Variants in BRF1 observed in about 807,000 individuals in gnomAD.
BRF1 encodes BRF1 general transcription factor IIIB subunit.
A neutral mutation model predicts 81.7 loss-of-function variants in BRF1; 59 were observed. The ratio of observed to expected loss-of-function variants is 0.72; its 90% confidence interval spans 0.59 to 0.90. The LOEUF (loss-of-function observed/expected upper bound fraction) is 0.90, where lower values mean the gene tolerates loss of function less well. BRF1 is among the 40% of genes least tolerant of loss of function. The pLI is 0.00. For synonymous variants in BRF1, 491 were observed against 395.6 expected, an observed-to-expected ratio of 1.24 and a Z score of -2.86; for missense variants, 1,050 against 936.3, an observed-to-expected ratio of 1.12 and a Z score of -1.58.
At chr14:105,246,929 G>A (rs1409399989) in intron 5 of BRF1, 3 of 985,258 alleles carry the variant, frequency 3.0e-6, no homozygotes, top group Non-Finnish European at 3.6e-6. Context: ...GGTCTTGTGT[G>A]CTGCTGTAAG....
Position 105,226,152 on chromosome 14 carries a change from G to A in BRF1, c.965C>T (p.Ser322Phe), listed in dbSNP as rs376099538. The change falls in exon 10 of 18, where the codon TCC becomes TTC. Residue 322 changes from serine to phenylalanine, a missense_variant. Ser to Phe is a radical substitution (Grantham distance 155). Around this residue, in one of 2 missense-constraint regions of BRF1, gnomAD observed 1,043 missense variants for 915.4 expected, o/e 1.14. Transcript: ENST00000547530. ...AATCTCAATTGCATCCTGGTAACTGGATATTTCACCTGAAGTCATAAGTTA... is the reference window on the plus strand; with the variant it reads ...AATCTCAATTGCATCCTGGTAACTGAATATTTCACCTGAAGTCATAAGTTA... ...KKLEEVEGEI[S>F]SYQDAIEIEL... 6.2e-7 allele frequency: 1 copy of A among 1,614,012 alleles called. No homozygotes were observed. Among genetic ancestry groups the A allele is most frequent in the African/African-American group, 1.3e-5 (1 of 75,046 alleles).
chr14:105,249,830 C>T lies in BRF1; in HGVS notation c.544+2677G>A. 6.2e-7 allele frequency: 1 copy of T among 1,613,454 alleles called. No homozygotes were observed. The highest frequency in any genetic ancestry group is 8.5e-7 in the Non-Finnish European group (1 of 1,180,038). On this transcript the variant is annotated intron_variant, in intron 5 of 17. Transcript: ENST00000547530. ...GTTTGAGGAGCCCGAGCTGACGCAGCGCTGCTGGGAGGTCATTGACGCACA... is the reference window on the plus strand; with the variant it reads ...GTTTGAGGAGCCCGAGCTGACGCAGTGCTGCTGGGAGGTCATTGACGCACA...
At chr14:105,228,759 G>T in intron 7 of BRF1, 61 bp downstream of exon 7, 1 of 1,585,470 alleles carries the variant, frequency 6.3e-7, no homozygotes, top group Non-Finnish European at 8.6e-7. Context: ...TGGCAAGCAG[G>T]CCTGAGCTGG....
upstream of BRF1, among the ~76,000 whole-genome samples, chr14:105,305,133 G>C (rs1566883163): frequency 6.6e-6 from 1 of 152,212 alleles, no homozygotes; most frequent in Non-Finnish European, 1.5e-5. Flanking sequence ...GGGCACAGTG[G>C]CTCACATCTG....
rs116977076 is a variant in BRF1, at chr14:105,221,458, T to A, written c.1315+190A>T. On this transcript the variant is annotated intron_variant, in intron 11 of 17. Coordinates refer to ENST00000547530, the MANE Select transcript of BRF1 (RefSeq NM_001519.4). The stretch of plus-strand genomic sequence containing the variant: ...CTGGCGTCGGCACACACCCAATTCT[T>A]CACGCCAGGACCACTGACGCCCACA... 9.6e-3 allele frequency among the ~76,000 whole-genome samples: 1,457 copies of A among 152,238 alleles called. 50 individuals carry two copies. The highest frequency in any genetic ancestry group is 0.065 in the Admixed American group (989 of 15,300).
intron 10 of BRF1, among the ~76,000 whole-genome samples, chr14:105,224,668 C>G (rs1892808682): frequency 6.6e-6 from 1 of 152,194 alleles, no homozygotes; most frequent in Admixed American, 6.5e-5. Flanking sequence ...CGGCCTCAGC[C>G]TCCCGAGGAG....
At chr14:105,259,023 C>T (rs2056027904) in intron 3 of BRF1, among the ~76,000 whole-genome samples, 1 of 152,174 alleles carries the variant, frequency 6.6e-6, no homozygotes, top group Admixed American at 6.5e-5. Flanking sequence ...CACAGCTCAC[C>T]CATGCTGCTG....
chr14:105,223,784 T>A (rs1595293554), intron 10 of BRF1, among the ~76,000 whole-genome samples: 1 of 152,276 alleles, frequency 6.6e-6, no homozygotes, highest in South Asian at 2.1e-4. Context: ...ATGAGCAGTT[T>A]TCATACGGCA....
In BRF1 at chr14:105,228,765, G is replaced by C. The variant is rs2054227315; in HGVS notation, c.788+55C>G. ...CGCCTGCTCTGGCAAGCAGGCCTGA[G>C]CTGGACTGATGAAGCCTCTGTGTGG... is the stretch of plus-strand genomic sequence containing the variant. On this transcript the variant is annotated intron_variant, in intron 7 of 17. Transcript: ENST00000547530. 2 of 1,596,508 alleles carry C rather than the reference G, an allele frequency of 1.3e-6. No homozygotes were observed. Among genetic ancestry groups the C allele is most frequent in the East Asian group, 2.2e-5 (1 of 44,712 alleles).
intron 1 of BRF1, among the ~76,000 whole-genome samples, chr14:105,311,893 G>A (rs1209906611): frequency 6.6e-6 from 1 of 152,328 alleles, no homozygotes; most frequent in Non-Finnish European, 1.5e-5. Flanking sequence ...GATGCGGCAG[G>A]GCCTGTCTAG....
chr14:105,269,280 C>T lies in BRF1; in HGVS notation c.439+3441G>A, dbSNP rs973932022. Among the ~76,000 whole-genome samples, 18 of 152,108 alleles carry T rather than the reference C, an allele frequency of 1.2e-4. No individual in the cohort carries two copies. The highest frequency in any genetic ancestry group is 5.2e-4 in the Admixed American group (8 of 15,266). On this transcript the variant is annotated intron_variant, in intron 3 of 17. Transcript: ENST00000547530. This position sits in a 1 kb window ranked among gnomAD's most constrained non-coding sequence, Gnocchi z 5.0. Reference sequence around the variant, plus strand: ...GGGCTACAGCTACCCGAGACCAGCCCGAAGCATCCTCTGAGGATGCTGAAG... The same window carrying T: ...GGGCTACAGCTACCCGAGACCAGCCTGAAGCATCCTCTGAGGATGCTGAAG...
At chr14:105,287,008 C>T (rs1212218308) in intron 1 of BRF1, among the ~76,000 whole-genome samples, 1 of 152,186 alleles carries the variant, frequency 6.6e-6, no homozygotes, top group Non-Finnish European at 1.5e-5. Flanking sequence ...CTGCAGGGGA[C>T]GCAGGTACCA....
At chr14:105,298,854 CAA>C (rs1202505629) in intron 1 of BRF1, among the ~76,000 whole-genome samples, 19 of 124,658 alleles carry the variant, frequency 1.5e-4, no homozygotes, top group African/African-American at 1.2e-4. Flanking sequence ...GATTCTGTCT[CAA>C]AAAAAAAAAA....
At position 105,248,526 on chromosome 14, in the gene BRF1, C is replaced by G. The variant is rs587616123; in HGVS notation, c.544+3981G>C. On this transcript the variant is annotated intron_variant, in intron 5 of 17. Coordinates refer to ENST00000547530, the MANE Select transcript of BRF1 (RefSeq NM_001519.4). The stretch of plus-strand genomic sequence containing the variant: ...GGCAGCGACGTCGCGCGGGGCGCGG[C>G]CCTGACGCAGCGTGACGCACCGGCG... 4 of 964,220 alleles carry G rather than the reference C, an allele frequency of 4.1e-6. No individual in the cohort carries two copies. The South Asian group carries it at 2.0e-4, about 47-fold the overall frequency. 59.7% of individuals were successfully genotyped at this position (964,220 alleles called of 1,614,324 possible).
At chr14:105,247,100 A>G in intron 5 of BRF1, 1 of 985,474 alleles carries the variant, frequency 1.0e-6, no homozygotes, top group Non-Finnish European at 1.2e-6. Flanking sequence ...CGGCTGGGAC[A>G]GAAACCACGG....
At chr14:105,258,851 A>G (rs1328520093) in intron 3 of BRF1, among the ~76,000 whole-genome samples, 1 of 152,206 alleles carries the variant, frequency 6.6e-6, no homozygotes, top group Non-Finnish European at 1.5e-5. Flanking sequence ...AAAATAAAAA[A>G]AGGCAAAACA....
rs961615501 is a variant in BRF1 at position 105,260,711 on chromosome 14, T to C, written c.440-4162A>G. ...TTAATAAAACAATGGGATAAGTGTG[T>C]ACATTTTTAAAAGGAGCTTCAAATT... On this transcript the variant is annotated intron_variant, in intron 3 of 17. Transcript: ENST00000547530. 2.0e-5 allele frequency among the ~76,000 whole-genome samples: 3 copies of C among 152,180 alleles called. No individual in the cohort carries two copies. In the East Asian group the frequency reaches 5.8e-4, roughly 29 times the overall value.
chr14:105,280,171 CTG>C (rs1227177218), intron 2 of BRF1, among the ~76,000 whole-genome samples: 1 of 152,276 alleles, frequency 6.6e-6, no homozygotes, highest in Non-Finnish European at 1.5e-5. Flanking sequence ...GATAAATCAA[CTG>C]TGGCGCACCT....
chr14:105,299,480 C>T (rs2057891781), intron 1 of BRF1, among the ~76,000 whole-genome samples: 1 of 152,062 alleles, frequency 6.6e-6, no homozygotes, highest in Non-Finnish European at 1.5e-5. Context: ...GAGGTTGAGG[C>T]AGGAGAATTG....
Sources: allele counts gnomAD v4.1 joint callset (sites outside exome capture counted in the v4.1 genomes callset), GRCh38; gene constraint gnomAD v4.1.1; regional missense constraint gnomAD v4.1.1; non-coding constraint Gnocchi (gnomAD v3.1); transcripts MANE v1.5; gene names NCBI Gene and HGNC (gene_info 2026-07-23, HGNC 2026-07-21).